Variants in DDR2 observed in about 807,000 individuals in gnomAD.
DDR2 encodes the protein discoidin domain-containing receptor 2.
In DDR2, 27 loss-of-function variants were observed where a neutral mutation model predicts 94.9. The ratio of observed to expected loss-of-function variants is 0.28; its 90% confidence interval spans 0.21 to 0.39. DDR2 has a LOEUF of 0.39. Among genes scored for constraint, DDR2 ranks in the 10% least tolerant of loss-of-function variants. DDR2 has a pLI of 1.00. For synonymous variants in DDR2, 382 were observed against 377.2 expected, an observed-to-expected ratio of 1.01 and a Z score of -0.15; for missense variants, 783 against 1,076.0, an observed-to-expected ratio of 0.73 and a Z score of 3.81.
chr1:162,714,610 CAGAG>C (rs1038286543), intron 2 of DDR2, among the ~76,000 whole-genome samples: 53 of 152,204 alleles, frequency 3.5e-4, no homozygotes, highest in African/African-American at 3.9e-4. Context: ...ATTGCATACT[CAGAG>C]AGGCCTTTGC....
At chr1:162,654,775 C>T (rs1339112228) in intron 1 of DDR2, among the ~76,000 whole-genome samples, 3 of 152,144 alleles carry the variant, frequency 2.0e-5, no homozygotes, top group African/African-American at 7.2e-5. Context: ...GGCTCAGTGA[C>T]ATGTGCCATT....
chr1:162,644,604 T>C (rs1657315706), intron 1 of DDR2, among the ~76,000 whole-genome samples: 1 of 2,084 alleles, frequency 4.8e-4, no homozygotes. Flanking sequence ...TTATTTACCT[T>C]TTTTTTTTTT....
intron 1 of DDR2, among the ~76,000 whole-genome samples, chr1:162,649,604 C>G (rs1657586082): frequency 6.6e-6 from 1 of 152,192 alleles, no homozygotes; most frequent in Non-Finnish European, 1.5e-5. Flanking sequence ...TGCAATAACT[C>G]TGGTGGTGGA....
chr1:162,733,405 G>C (rs1662152826), intron 3 of DDR2, among the ~76,000 whole-genome samples: 1 of 152,146 alleles, frequency 6.6e-6, no homozygotes, highest in Non-Finnish European at 1.5e-5. Context: ...GGCTTTTCCT[G>C]GTTCCAAAGA....
In DDR2 at chr1:162,778,722, G is replaced by A. The variant is rs2102207214; in HGVS notation, c.2426G>A (p.Gly809Glu). Reference protein sequence around the residue: ...ENTGEFFRDQGRQTYLPQPAI... With the variant: ...ENTGEFFRDQERQTYLPQPAI... Reference sequence around the variant, plus strand: ...ACTGGAGAGTTCTTCCGAGACCAAGGGAGGCAGGTAAGAACTGTTGGGGAT... The same window carrying A: ...ACTGGAGAGTTCTTCCGAGACCAAGAGAGGCAGGTAAGAACTGTTGGGGAT... The change falls in exon 17 of 18, where the codon GGG becomes GAG. Residue 809 changes from glycine (G) to glutamate (E), a missense_variant. This residue lies in a region of DDR2 where 264 missense variants were observed against 428.2 expected (regional missense o/e 0.62). Transcript: ENST00000367921. The A allele has an allele frequency of 6.2e-7, 1 of 1,613,894 alleles. No individual in the cohort carries two copies.
intron 2 of DDR2, among the ~76,000 whole-genome samples, chr1:162,700,989 A>C (rs1183005668): frequency 6.6e-6 from 1 of 151,610 alleles, no homozygotes. Context: ...AACATTGAGC[A>C]GTGTTGGTAT....
chr1:162,751,722 C>A (rs1663205246), intron 3 of DDR2, among the ~76,000 whole-genome samples: 1 of 152,122 alleles, frequency 6.6e-6, no homozygotes, highest in African/African-American at 2.4e-5. Context: ...GCGCTATTCA[C>A]AATAGCAAAG....
chr1:162,757,728 T>G (rs1663528311), intron 7 of DDR2, among the ~76,000 whole-genome samples: 1 of 152,130 alleles, frequency 6.6e-6, no homozygotes, highest in Non-Finnish European at 1.5e-5. Context: ...TAGATTGGAA[T>G]GGAATGAGGA....
chr1:162,631,182 TTGTGTGTGTGTGTGTGTGTGTGTG>T (rs58010976), upstream of DDR2, among the ~76,000 whole-genome samples: 3 of 140,186 alleles, frequency 2.1e-5, no homozygotes, highest in South Asian at 2.4e-4. Context: ...GCCACCCTCA[TTGTGTGTGTGTGTGTGTGTGTGTG>T]TGTGTGTGTG....
chr1:162,661,306 G>A (rs1315490150), intron 2 of DDR2, among the ~76,000 whole-genome samples: 3 of 152,112 alleles, frequency 2.0e-5, no homozygotes, highest in Non-Finnish European at 4.4e-5. Context: ...GAATCAAAAG[G>A]AAATTCTGAG....
chr1:162,715,427 G>A (rs932834405), intron 2 of DDR2, among the ~76,000 whole-genome samples: 14 of 152,162 alleles, frequency 9.2e-5, no homozygotes, highest in Admixed American at 3.9e-4. Flanking sequence ...ACTAGGCAAA[G>A]AGAGGAGAGA....
At chr1:162,691,035 C>G (rs994657625) in intron 2 of DDR2, among the ~76,000 whole-genome samples, 18 of 152,164 alleles carry the variant, frequency 1.2e-4, no homozygotes, top group South Asian at 6.2e-4. Context: ...AGGGTATAGT[C>G]GTGAGTCACG....
chr1:162,746,762 A>G (rs988779045), intron 3 of DDR2, among the ~76,000 whole-genome samples: 4 of 152,180 alleles, frequency 2.6e-5, no homozygotes, highest in Admixed American at 6.5e-5. Flanking sequence ...TGCCCCTCTG[A>G]GATGAAGCTT....
chr1:162,670,690 T>C (rs927510057), intron 2 of DDR2, among the ~76,000 whole-genome samples: 2 of 152,240 alleles, frequency 1.3e-5, no homozygotes, highest in Non-Finnish European at 2.9e-5. Flanking sequence ...TGGATACGAT[T>C]GACTGAATTC....
At chr1:162,768,431 C>T (rs983747350) in intron 11 of DDR2, among the ~76,000 whole-genome samples, 2 of 152,152 alleles carry the variant, frequency 1.3e-5, no homozygotes, top group Admixed American at 1.3e-4. Flanking sequence ...TGAACTGCCT[C>T]CTGAGGGCAG....
chr1:162,729,301 T>TATA (rs755861408), intron 3 of DDR2, among the ~76,000 whole-genome samples: 4,789 of 59,454 alleles, frequency 0.081, 100 homozygotes, highest in Non-Finnish European at 0.097. Flanking sequence ...TATATATATA[T>TATA]TTTTTTTTTT....
At chr1:162,670,430 A>G (rs1320178528) in intron 2 of DDR2, among the ~76,000 whole-genome samples, 1 of 152,182 alleles carries the variant, frequency 6.6e-6, no homozygotes, top group Non-Finnish European at 1.5e-5. Flanking sequence ...AAGGCTTTGC[A>G]ATTGATTGAA....
intron 3 of DDR2, among the ~76,000 whole-genome samples, chr1:162,744,616 A>T (rs989333619): frequency 6.6e-6 from 1 of 152,078 alleles, no homozygotes; most frequent in Admixed American, 6.6e-5. Flanking sequence ...TGCTGCACCC[A>T]TCAAACCATC....
chr1:162,717,403 A>G (rs1661223086), intron 2 of DDR2, among the ~76,000 whole-genome samples: 1 of 152,230 alleles, frequency 6.6e-6, no homozygotes, highest in African/African-American at 2.4e-5. Context: ...TATATCCCAC[A>G]TCCAGTTTCC....
Sources: gnomAD v4.1 joint callset for allele counts (sites outside exome capture counted in the v4.1 genomes callset) on GRCh38, gnomAD v4.1.1 for gene constraint, gnomAD v4.1.1 regional missense constraint, MANE v1.5 for transcripts, NCBI Gene and HGNC (gene_info 2026-07-23, HGNC 2026-07-21) for gene names.